The following ZNF726 variants were observed in gnomAD, a reference collection of about 807,000 sequenced individuals.
ZNF726 encodes the protein zinc finger protein 726, also known as zinc finger protein 92 pseudogene 3.
In ZNF726, 15 loss-of-function variants were observed where a neutral mutation model predicts 11.6. That is an observed-to-expected ratio of 1.29 (90% CI 0.86 to 1.99). ZNF726 has a LOEUF of 1.99. Among genes scored for constraint, ZNF726 ranks in the 30% most tolerant of loss-of-function variants. The probability of loss-of-function intolerance (pLI) is 0.00; values close to 1 mark genes in which losing one functional copy is unlikely to be tolerated. For missense variants in ZNF726, 890 were observed against 725.6 expected (o/e 1.23, Z -2.60); for synonymous variants, 295 against 243.6 (o/e 1.21, Z -1.96).
rs534983545 is a variant in ZNF726 at position 23,924,612 on chromosome 19, A to G, written c.226+4530A>G. ...TAAATGTACATGTCAGGGCGAGGCAATGTGGTGGATCCCTTCTGTAAAACC... is the reference window on the plus strand; with the variant it reads ...TAAATGTACATGTCAGGGCGAGGCAGTGTGGTGGATCCCTTCTGTAAAACC... On this transcript the variant is annotated intron_variant, in intron 3 of 3. Coordinates refer to ENST00000594466, the MANE Select transcript of ZNF726 (RefSeq NM_001244038.2). 3.9e-5 allele frequency among the ~76,000 whole-genome samples: 6 copies of G among 152,304 alleles called. No individual in the cohort carries two copies. In the South Asian group the frequency reaches 1.2e-3, roughly 32 times the overall value.
intron 3 of ZNF726, among the ~76,000 whole-genome samples, chr19:23,925,949 T>C (rs1261904688): frequency 6.6e-6 from 1 of 151,974 alleles, no homozygotes; most frequent in African/African-American, 2.4e-5. Flanking sequence ...ACACCTGTCC[T>C]CGTGATCCGC....
downstream of ZNF726, among the ~76,000 whole-genome samples, chr19:23,937,330 C>A (rs908892668): frequency 6.6e-6 from 1 of 151,732 alleles, no homozygotes; most frequent in African/African-American, 2.4e-5. Context: ...CGGGCGGAGA[C>A]CCTCCTCACT....
At position 23,932,377 on chromosome 19, in the gene ZNF726, A is replaced by G; in HGVS notation, c.261A>G (p.Pro87=). ...ICPHFAQDIW[P]EQGVEDSFQK... ...CTCATTTTGCTCAAGACATTTGGCCAGAGCAGGGCGTGGAAGATTCTTTTC... is the reference window on the plus strand; with the variant it reads ...CTCATTTTGCTCAAGACATTTGGCCGGAGCAGGGCGTGGAAGATTCTTTTC... Residue 87 remains proline (P), a synonymous_variant, in exon 4 of 4, where the codon CCA becomes CCG. Coordinates refer to ENST00000594466, the MANE Select transcript of ZNF726 (RefSeq NM_001244038.2). 1 of 1,466,062 alleles carries G rather than the reference A, an allele frequency of 6.8e-7. No homozygotes were observed. The highest frequency in any genetic ancestry group is 9.0e-7 in the Non-Finnish European group (1 of 1,111,536). 90.8% of individuals were successfully genotyped at this position (1,466,062 alleles called of 1,614,324 possible). A position where few individuals can be genotyped will look rare whatever the true frequency, so the allele number is the denominator to read the frequency against.
Position 23,932,413 on chromosome 19 carries a change from A to T in ZNF726, c.297A>T (p.Ile99=), listed in dbSNP as rs771047091. The part of the protein sequence containing the change: ...QGVEDSFQKV[I]LRRFEKCGHE... ...TGGAAGATTCTTTTCAAAAAGTAAT[A>T]CTAAGAAGATTTGAAAAATGTGGAC... Residue 99 remains isoleucine (I), a synonymous_variant, in exon 4 of 4, where the codon ATA becomes ATT. Transcript: ENST00000594466. 7.1e-6 allele frequency: 11 copies of T among 1,552,160 alleles called. No individual in the cohort carries two copies. Among genetic ancestry groups the T allele is most frequent in the Non-Finnish European group, 9.5e-6 (11 of 1,155,078 alleles).
intron 3 of ZNF726, among the ~76,000 whole-genome samples, chr19:23,931,757 T>A (rs1439683344): frequency 6.6e-6 from 1 of 152,338 alleles, no homozygotes; most frequent in East Asian, 1.9e-4. Flanking sequence ...TTATTCATAT[T>A]ACTTTGTAGG....
At chr19:23,943,904 G>A (rs1278851375) in intron 4 of ZNF726, 6 of 187,826 alleles carry the variant, frequency 3.2e-5, no homozygotes, top group African/African-American at 7.0e-5. Context: ...AATATCTCGA[G>A]TATTTTTGAG....
At position 23,932,464 on chromosome 19, in the gene ZNF726, T is replaced by A. The variant is rs1968128338; in HGVS notation, c.348T>A (p.Gly116=). 6.3e-7 allele frequency: 1 copy of A among 1,579,032 alleles called. No homozygotes were observed. Reference sequence around the variant, plus strand: ...ATGAGAATTTACAGTTAAGAAAAGGTTGTAAAAGTGTGGATGAGTGTAAGG... The same window carrying A: ...ATGAGAATTTACAGTTAAGAAAAGGATGTAAAAGTGTGGATGAGTGTAAGG... ...CGHENLQLRK[G]CKSVDECKVH... Residue 116 remains glycine (G), a synonymous_variant, in exon 4 of 4, where the codon GGT becomes GGA. Coordinates refer to ENST00000594466, the MANE Select transcript of ZNF726 (RefSeq NM_001244038.2).
chr19:23,933,326 A>G lies in ZNF726; in HGVS notation c.1210A>G (p.Lys404Glu), dbSNP rs760586814. The part of the protein sequence containing the change: ...EKPYKCEECG[K>E]AFHRSSNLTK... ...ACCCTACAAATGTGAAGAATGTGGC[A>G]AAGCTTTTCATCGATCCTCAAATCT... is the stretch of plus-strand genomic sequence containing the variant. Residue 404 changes from lysine (K) to glutamate (E), a missense_variant, in exon 4 of 4, where the codon AAA (lysine) becomes GAA (glutamate). Transcript: ENST00000594466. 6 of 1,613,474 alleles carry G rather than the reference A, an allele frequency of 3.7e-6. No homozygotes were observed. In the Admixed American group the frequency reaches 8.3e-5, roughly 22 times the overall value.
downstream of ZNF726, chr19:23,936,273 C>G (rs1467735821): frequency 6.6e-6 from 1 of 152,152 alleles, no homozygotes; most frequent in Non-Finnish European, 1.5e-5. Context: ...AGACATTACA[C>G]TAAATCAGTG....
intron 3 of ZNF726, among the ~76,000 whole-genome samples, chr19:23,922,086 T>C (rs998008850): frequency 6.6e-6 from 1 of 152,242 alleles, no homozygotes; most frequent in African/African-American, 2.4e-5. Context: ...AGCTTGGTCT[T>C]AAGTCTGCTG....
At position 23,934,014 on chromosome 19, in the gene ZNF726, T is replaced by A. The variant is rs1968182633; in HGVS notation, c.*47T>A. ...AGAATGTGGCAAAGCATTTATATGG[T>A]CCTCAACGCTAAACATAAGAGGATG... is the stretch of plus-strand genomic sequence containing the variant. On this transcript the variant is annotated 3_prime_UTR_variant, in exon 4 of 4. Transcript: ENST00000594466. 1.3e-6 allele frequency: 2 copies of A among 1,533,792 alleles called. No homozygotes were observed. Among genetic ancestry groups the A allele is most frequent in the South Asian group, 1.1e-5 (1 of 87,536 alleles).
In ZNF726 at chr19:23,932,791, A is replaced by G. The variant is rs1281730633; in HGVS notation, c.675A>G (p.Glu225=). The stretch of plus-strand genomic sequence containing the variant: ...CTAATCATAAGAAAACTCATACTGA[A>G]GAAAAGCCCTACAAATGTGAAGAAT... The part of the protein sequence containing the change: ...TLTNHKKTHT[E]EKPYKCEEYG... Residue 225 remains glutamate, a synonymous_variant, in exon 4 of 4, where the codon GAA becomes GAG. Coordinates refer to ENST00000594466, the MANE Select transcript of ZNF726 (RefSeq NM_001244038.2). The G allele has an allele frequency of 6.2e-7, 1 of 1,611,924 alleles. No individual in the cohort carries two copies. The highest frequency in any genetic ancestry group is 2.2e-5 in the East Asian group (1 of 44,868).
At chr19:23,919,352 G>A (rs764786194) in intron 1 of ZNF726, 21 bp from the exon 2 acceptor site, 21 of 1,597,870 alleles carry the variant, frequency 1.3e-5, no homozygotes, top group Non-Finnish European at 1.8e-5. Context: ...GTAAATATGT[G>A]TGTTTGTGTG....
intron 2 of ZNF726, 83 bp from the exon 3 acceptor site, chr19:23,919,904 A>G (rs1599452254): frequency 1.2e-6 from 1 of 821,538 alleles, no homozygotes; most frequent in Non-Finnish European, 1.8e-6. Context: ...ATATTCTATT[A>G]TATCCCTTTT....
intron 1 of ZNF726, among the ~76,000 whole-genome samples, chr19:23,916,464 G>T (rs180915668): frequency 2.9e-4 from 44 of 152,142 alleles, no homozygotes; most frequent in African/African-American, 1.1e-3. Context: ...CCAAGTAGCT[G>T]GAATTACAGA....
intron 3 of ZNF726, chr19:23,927,735 GTCTC>G (rs1460424751): frequency 6.6e-6 from 1 of 152,134 alleles, no homozygotes; most frequent in South Asian, 2.1e-4. Flanking sequence ...TCCCACCTTG[GTCTC>G]TCTAAGTGTT....
intron 1 of ZNF726, among the ~76,000 whole-genome samples, chr19:23,916,308 C>A (rs1967696882): frequency 6.6e-6 from 1 of 150,466 alleles, no homozygotes; most frequent in South Asian, 2.1e-4. Flanking sequence ...ATATTGATAC[C>A]TATTTTAATG....
chr19:23,919,009 A>C (rs558887048), intron 1 of ZNF726: 1 of 206,262 alleles, frequency 4.8e-6, no homozygotes, highest in Non-Finnish European at 9.8e-6. Context: ...TTCTAACTCA[A>C]CATGTTTATT....
intron 2 of ZNF726, 70 bp downstream of exon 2, chr19:23,919,569 T>C: frequency 6.8e-7 from 1 of 1,478,848 alleles, no homozygotes; most frequent in Non-Finnish European, 9.0e-7. Flanking sequence ...TAGTATGTTT[T>C]CTGGTAATTT....
Sources: allele counts gnomAD v4.1 joint callset (sites outside exome capture counted in the v4.1 genomes callset), GRCh38; gene constraint gnomAD v4.1.1; transcripts MANE v1.5; gene names NCBI Gene and HGNC (gene_info 2026-07-23, HGNC 2026-07-21).